Variants in FBN2 observed in about 807,000 individuals in gnomAD.
FBN2 encodes the protein fibrillin-2.
Under a neutral mutation model 355.6 loss-of-function variants are expected in FBN2, and 105 were observed. That is an observed-to-expected ratio of 0.30 (90% CI 0.25 to 0.35). FBN2 has a LOEUF of 0.35. Among genes scored for constraint, FBN2 ranks in the 10% least tolerant of loss-of-function variants. FBN2 has a pLI of 1.00. For synonymous variants in FBN2, 1,350 were observed against 1,301.2 expected, an observed-to-expected ratio of 1.04 and a Z score of -0.81; for missense variants, 3,280 against 3,758.7, an observed-to-expected ratio of 0.87 and a Z score of 3.33.
At chr5:128,520,055 T>C (rs1322903493) in intron 4 of FBN2, among the ~76,000 whole-genome samples, 3 of 152,322 alleles carry the variant, frequency 2.0e-5, no homozygotes, top group South Asian at 4.2e-4. Context: ...TGTTTTTTCA[T>C]ATAAAATTAA....
chr5:128,258,710 G>C lies in FBN2; in HGVS notation c.*745C>G, dbSNP rs754492977. 1 of 152,812 alleles carries C rather than the reference G, an allele frequency of 6.5e-6. No individual in the cohort carries two copies. The highest frequency in any genetic ancestry group is 1.5e-5 in the Non-Finnish European group (1 of 68,182). 9.5% of individuals were successfully genotyped at this position (152,812 alleles called of 1,614,324 possible). ...AGCAGTCAAGGTATTTTGCTACAGT[G>C]GTTGTGCTTCAACTTCTGTTGCCTG... is the stretch of plus-strand genomic sequence containing the variant. On this transcript the variant is annotated 3_prime_UTR_variant, in exon 65 of 65. Transcript: ENST00000262464.
At chr5:128,530,852 C>T (rs956496695) in intron 2 of FBN2, among the ~76,000 whole-genome samples, 159 bp from the exon 3 acceptor site, 8 of 152,128 alleles carry the variant, frequency 5.3e-5, no homozygotes, top group Middle Eastern at 3.2e-3. Flanking sequence ...TTACCCATTG[C>T]AGACTTGGGA....
At chr5:128,522,833 A>G (rs1458336546) in intron 4 of FBN2, among the ~76,000 whole-genome samples, 1 of 152,206 alleles carries the variant, frequency 6.6e-6, no homozygotes, top group African/African-American at 2.4e-5. Flanking sequence ...TTTCCACCAC[A>G]GAAGGAACGC....
At chr5:128,509,918 T>C (rs1756068002) in intron 5 of FBN2, among the ~76,000 whole-genome samples, 1 of 152,042 alleles carries the variant, frequency 6.6e-6, no homozygotes, top group African/African-American at 2.4e-5. Context: ...CAACTCTGAG[T>C]ATTGTTCCTT....
In FBN2 at chr5:128,378,821, C is replaced by T; in HGVS notation, c.1673G>A (p.Cys558Tyr). 3 of 1,613,252 alleles carry T rather than the reference C, an allele frequency of 1.9e-6. No homozygotes were observed. The South Asian group carries it at 3.3e-5, about 18-fold the overall frequency. The change falls in exon 12 of 65, where the codon TGT becomes TAT. Residue 558 changes from cysteine to tyrosine, a missense_variant. Cys to Tyr is a radical substitution (Grantham distance 194). Coordinates refer to ENST00000262464, the MANE Select transcript of FBN2 (RefSeq NM_001999.4). ...DCVNTPGSYY[C>Y]KCHAGFQRTP... ...CCTCTGGAATCCAGCATGACATTTA[C>T]AATAATAGGAACCAGGTGTGTTAAC...
chr5:128,499,983 C>T (rs573922042), intron 5 of FBN2, among the ~76,000 whole-genome samples: 1 of 152,150 alleles, frequency 6.6e-6, no homozygotes, highest in South Asian at 2.1e-4. Flanking sequence ...AGATGAGGCA[C>T]CCACAGAATT....
chr5:128,353,323 C>T (rs570886223), intron 20 of FBN2, among the ~76,000 whole-genome samples: 10 of 152,124 alleles, frequency 6.6e-5, no homozygotes, highest in South Asian at 2.1e-4. Flanking sequence ...TACCAACAAC[C>T]CAAACACCAA....
At chr5:128,398,724 C>T (rs1207659497) in intron 8 of FBN2, among the ~76,000 whole-genome samples, 2 of 152,000 alleles carry the variant, frequency 1.3e-5, no homozygotes, top group African/African-American at 4.8e-5. Context: ...TGGCTGTGTC[C>T]CCACCCAAAT....
intron 6 of FBN2, among the ~76,000 whole-genome samples, chr5:128,462,548 T>A (rs1018924158): frequency 6.6e-6 from 1 of 152,200 alleles, no homozygotes; most frequent in East Asian, 1.9e-4. Flanking sequence ...ACTGTGTTAA[T>A]CCCTCAGATT....
intron 37 of FBN2, 33 bp downstream of exon 37, chr5:128,312,601 G>T (rs1364553040): frequency 1.2e-6 from 2 of 1,611,728 alleles, no homozygotes; most frequent in East Asian, 4.5e-5. Context: ...GATACCAGTT[G>T]GTTTTCTTCC....
At chr5:128,421,168 GCCATTTTCAGTAATCTGT>G (rs752932972) in intron 7 of FBN2, among the ~76,000 whole-genome samples, 13 of 152,310 alleles carry the variant, frequency 8.5e-5, no homozygotes, top group Non-Finnish European at 1.5e-4. Flanking sequence ...GGCCTAGAAT[GCCATTTTCAGTAATCTGT>G]CCTTGCACTG....
At chr5:128,535,456 G>C (rs1335458880) in intron 2 of FBN2, among the ~76,000 whole-genome samples, 5 of 152,256 alleles carry the variant, frequency 3.3e-5, no homozygotes, top group East Asian at 1.9e-4. Flanking sequence ...TCAATCTAAA[G>C]TCAAGACTGG....
chr5:128,479,450 T>C (rs183602707), intron 5 of FBN2, among the ~76,000 whole-genome samples: 11 of 152,210 alleles, frequency 7.2e-5, no homozygotes, highest in Admixed American at 4.6e-4. Flanking sequence ...TCTAAATACA[T>C]TACATATTTT....
chr5:128,411,658 G>A (rs1482373199), intron 7 of FBN2, among the ~76,000 whole-genome samples: 4 of 152,160 alleles, frequency 2.6e-5, no homozygotes, highest in Non-Finnish European at 5.9e-5. Flanking sequence ...TACAGGGTAG[G>A]GGATATGGTG....
intron 21 of FBN2, 126 bp downstream of exon 21, chr5:128,350,742 T>C (rs188443942): frequency 2.7e-6 from 3 of 1,105,726 alleles, no homozygotes; most frequent in African/African-American, 1.5e-5. Context: ...CCAGGAAAGA[T>C]AACATTTTAG....
intron 17 of FBN2, 51 bp downstream of exon 17, chr5:128,366,326 T>G (rs764497794): frequency 1.1e-6 from 1 of 932,392 alleles, no homozygotes; most frequent in East Asian, 2.5e-5. Context: ...ATTATAAAGC[T>G]ATACGATTAT....
chr5:128,291,559 C>G lies in FBN2; in HGVS notation c.6262G>C (p.Val2088Leu). 6.2e-7 allele frequency: 1 copy of G among 1,613,942 alleles called. No individual in the cohort carries two copies. The highest frequency in any genetic ancestry group is 8.5e-7 in the Non-Finnish European group (1 of 1,179,898). The change falls in exon 49 of 65, where the codon GTA becomes CTA. Residue 2088 changes from valine to leucine, a missense_variant. This residue lies in a region of FBN2 where 2,284 missense variants were observed against 2,749.5 expected (regional missense o/e 0.83). Coordinates refer to ENST00000262464, the MANE Select transcript of FBN2 (RefSeq NM_001999.4). ...GFQCLCPPGF[V>L]LSDNGRRCFD... ...CATCTCCGTCCATTATCAGATAGTA[C>G]AAAGCCAGGGGGGCAGAGGCACTGG...
intron 7 of FBN2, among the ~76,000 whole-genome samples, chr5:128,424,483 A>G (rs548861248): frequency 6.6e-6 from 1 of 152,186 alleles, no homozygotes; most frequent in Non-Finnish European, 1.5e-5. Context: ...AACAAGGGTT[A>G]TGCAGAGGAT....
At chr5:128,381,248 G>A (rs536199183) in intron 11 of FBN2, among the ~76,000 whole-genome samples, 1 of 152,000 alleles carries the variant, frequency 6.6e-6, no homozygotes, top group Non-Finnish European at 1.5e-5. Flanking sequence ...TCAAGAAAAA[G>A]AGAAAAATAT....
Sources: allele counts gnomAD v4.1 joint callset (sites outside exome capture counted in the v4.1 genomes callset), GRCh38; gene constraint gnomAD v4.1.1; regional missense constraint gnomAD v4.1.1; transcripts MANE v1.5; gene names NCBI Gene and HGNC (gene_info 2026-07-23, HGNC 2026-07-21).